Variants in HMG20A observed in about 807,000 individuals in gnomAD.
HMG20A encodes the protein high mobility group 20A.
A neutral mutation model predicts 43.9 loss-of-function variants in HMG20A; 17 were observed. The observed-to-expected ratio is 0.39, with a 90% confidence interval of 0.27 to 0.58. HMG20A has a LOEUF of 0.58. Among genes scored for constraint, HMG20A ranks in the 20% least tolerant of loss-of-function variants. HMG20A has a pLI of 0.59. For synonymous variants in HMG20A, 132 were observed against 147.5 expected (o/e 0.89, Z 0.76); for missense variants, 341 against 438.2 (o/e 0.78, Z 1.98).
chr15:77,507,001 T>C, the HMG20A span, among the ~76,000 whole-genome samples: 3 of 152,254 alleles, frequency 2.0e-5, no homozygotes, highest in African/African-American at 4.8e-5. Context: ...ATCCGTAGAC[T>C]GAGTAAAGCA....
chr15:77,437,284 A>G (rs2073559783), intron 1 of HMG20A, among the ~76,000 whole-genome samples: 1 of 152,174 alleles, frequency 6.6e-6, no homozygotes, highest in Non-Finnish European at 1.5e-5. Context: ...TTTGTTCACC[A>G]TTGTATTGCT....
At chr15:77,498,579 G>A in the HMG20A span, among the ~76,000 whole-genome samples, 5 of 152,234 alleles carry the variant, frequency 3.3e-5, no homozygotes, top group South Asian at 2.1e-4. Context: ...TCTGCATGCC[G>A]TGGGAGATGG....
intron 1 of HMG20A, among the ~76,000 whole-genome samples, chr15:77,435,738 G>A (rs150355782): frequency 1.8e-3 from 276 of 151,986 alleles, no homozygotes; most frequent in Non-Finnish European, 3.1e-3. Flanking sequence ...GGCTCTACTA[G>A]GTTACTAATA....
At chr15:77,443,373 G>GATTATTATTATT (rs1491395709) in intron 1 of HMG20A, among the ~76,000 whole-genome samples, 53 of 122,278 alleles carry the variant, frequency 4.3e-4, no homozygotes, top group Admixed American at 6.9e-4. Flanking sequence ...TGATGATGAT[G>GATTATTATTATT]ATGATGATTA....
chr15:77,475,338 T>C (rs1012863088), intron 6 of HMG20A, among the ~76,000 whole-genome samples: 1 of 152,232 alleles, frequency 6.6e-6, no homozygotes, highest in Non-Finnish European at 1.5e-5. Flanking sequence ...ATGTTTCTTA[T>C]TTTGTGCTCT....
At chr15:77,495,377 G>A in the HMG20A span, among the ~76,000 whole-genome samples, 1 of 152,004 alleles carries the variant, frequency 6.6e-6, no homozygotes, top group African/African-American at 2.4e-5. Context: ...GTGAAATCCT[G>A]TCTCTACTAA....
the HMG20A span, among the ~76,000 whole-genome samples, chr15:77,511,101 A>G: frequency 6.6e-6 from 1 of 152,248 alleles, no homozygotes; most frequent in Non-Finnish European, 1.5e-5. Context: ...TGAGCAATAC[A>G]TAAATATAGC....
At chr15:77,498,693 G>T in the HMG20A span, among the ~76,000 whole-genome samples, 2 of 152,196 alleles carry the variant, frequency 1.3e-5, no homozygotes, top group South Asian at 2.1e-4. Context: ...GTGAAATGAA[G>T]ATTTTAATCT....
the HMG20A span, among the ~76,000 whole-genome samples, chr15:77,505,884 C>T: frequency 3.3e-5 from 5 of 152,216 alleles, no homozygotes; most frequent in East Asian, 9.6e-4. Flanking sequence ...TCTTCTTGAA[C>T]AGACCAGGTA....
At chr15:77,464,755 G>T in intron 3 of HMG20A, 1 of 166,758 alleles carries the variant, frequency 6.0e-6, no homozygotes, top group Non-Finnish European at 1.3e-5. Flanking sequence ...GTGCCCAAAG[G>T]ATTCATACTA....
rs1290383458 is a variant in HMG20A, at chr15:77,464,376, C to T, written c.226C>T (p.His76Tyr). 1 of 1,613,516 alleles carries T rather than the reference C, an allele frequency of 6.2e-7. No individual in the cohort carries two copies. Among genetic ancestry groups the T allele is most frequent in the Non-Finnish European group, 8.5e-7 (1 of 1,179,590 alleles). ...TGCAGCAGAAGGCAATGAACAGAGG[C>T]ATGAAGATGAGGTAAGCTGAAGTAT... ...SNAAEGNEQR[H>Y]EDEQRSKRGG... Residue 76 changes from histidine to tyrosine, a missense_variant, in exon 3 of 10, where the codon CAT becomes TAT. His to Tyr is a moderately conservative substitution (Grantham distance 83, BLOSUM62 2). Coordinates refer to ENST00000336216, the MANE Select transcript of HMG20A (RefSeq NM_001304504.2).
the HMG20A span, among the ~76,000 whole-genome samples, chr15:77,498,316 C>T: frequency 6.6e-6 from 1 of 152,186 alleles, no homozygotes; most frequent in Non-Finnish European, 1.5e-5. Context: ...ATTTTACTCA[C>T]GGGCCAGCTC....
chr15:77,486,910 C>A (rs533959817), downstream of HMG20A, among the ~76,000 whole-genome samples: 27 of 152,316 alleles, frequency 1.8e-4, no homozygotes, highest in Middle Eastern at 6.8e-3. Flanking sequence ...CTACATTAAG[C>A]AGAACTAGCA....
At chr15:77,455,845 C>T (rs917279405) in intron 1 of HMG20A, among the ~76,000 whole-genome samples, 1 of 152,106 alleles carries the variant, frequency 6.6e-6, no homozygotes, top group Non-Finnish European at 1.5e-5. Context: ...CCTCATGGAC[C>T]ATATGAAATG....
At chr15:77,462,772 C>CTTTTTTTTT (rs71145836) in intron 2 of HMG20A, among the ~76,000 whole-genome samples, 9 of 127,788 alleles carry the variant, frequency 7.0e-5, no homozygotes, top group South Asian at 2.4e-4. Flanking sequence ...TTTTCTTTTT[C>CTTTTTTTTT]TTTTTTTTTT....
the HMG20A span, among the ~76,000 whole-genome samples, chr15:77,498,815 C>T: frequency 6.6e-6 from 1 of 152,340 alleles, no homozygotes; most frequent in East Asian, 1.9e-4. Context: ...AGCATCACCT[C>T]GGAAGCCACT....
chr15:77,458,630 G>A (rs528555849), intron 2 of HMG20A, 134 bp downstream of exon 2: 9 of 564,292 alleles, frequency 1.6e-5, no homozygotes, highest in African/African-American at 1.5e-4. Context: ...TGCAAAGAGA[G>A]TGACAGCCAT....
At chr15:77,481,088 G>A (rs561153366) in intron 9 of HMG20A, among the ~76,000 whole-genome samples, 1 of 152,244 alleles carries the variant, frequency 6.6e-6, no homozygotes, top group East Asian at 1.9e-4. Flanking sequence ...TTTGGACTTT[G>A]AGCAACATAT....
chr15:77,515,213 G>A, the HMG20A span, among the ~76,000 whole-genome samples: 1 of 152,090 alleles, frequency 6.6e-6, no homozygotes, highest in East Asian at 1.9e-4. Flanking sequence ...AGTGGCCAGT[G>A]GGTACAATAG....
Sources: allele counts gnomAD v4.1 joint callset (sites outside exome capture counted in the v4.1 genomes callset), GRCh38; gene constraint gnomAD v4.1.1; transcripts MANE v1.5; gene names NCBI Gene and HGNC (gene_info 2026-07-23, HGNC 2026-07-21).